The following YWHAB variants were observed in gnomAD, a reference collection of about 807,000 sequenced individuals.
YWHAB encodes the protein tyrosine 3-monooxygenase/tryptophan 5-monooxygenase activation protein beta.
In YWHAB, 2 loss-of-function variants were observed where a neutral mutation model predicts 28.5. That is an observed-to-expected ratio of 0.07 (90% CI 0.03 to 0.22). The LOEUF (loss-of-function observed/expected upper bound fraction) is 0.22. Among genes scored for constraint, YWHAB ranks in the 10% least tolerant of loss-of-function variants. YWHAB has a pLI of 1.00. For synonymous variants in YWHAB, 103 were observed against 104.7 expected (o/e 0.98, Z 0.10); for missense variants, 148 against 297.1 (o/e 0.50, Z 3.69).
chr20:44,901,555 C>T lies in YWHAB; in HGVS notation c.22C>T (p.Leu8=). The part of the protein sequence containing the change: MTMDKSE[L]VQKAKLAEQA... The stretch of plus-strand genomic sequence containing the variant: ...GGGAATGACAATGGATAAAAGTGAG[C>T]TGGTACAGAAAGCCAAACTCGCTGA... Residue 8 remains leucine, a synonymous_variant, in exon 2 of 6, where the codon CTG becomes TTG. Coordinates refer to ENST00000353703, the MANE Select transcript of YWHAB (RefSeq NM_139323.4). 1 of 1,603,216 alleles carries T rather than the reference C, an allele frequency of 6.2e-7. No individual in the cohort carries two copies. Among genetic ancestry groups the T allele is most frequent in the Non-Finnish European group, 8.5e-7 (1 of 1,171,070 alleles).
intron 1 of YWHAB, among the ~76,000 whole-genome samples, chr20:44,899,147 A>T (rs966699540): frequency 6.6e-6 from 1 of 151,438 alleles, no homozygotes; most frequent in Non-Finnish European, 1.5e-5. Flanking sequence ...TTAAATTGTG[A>T]TACCATGTAT....
At chr20:44,906,260 C>T (rs1475767817) in intron 5 of YWHAB, 122 bp from the exon 6 acceptor site, 29 of 1,195,520 alleles carry the variant, frequency 2.4e-5, no homozygotes, top group Middle Eastern at 2.0e-4. Context: ...GCAATCATCC[C>T]TGTCTGCAGT....
rs1363076773 is a variant in YWHAB, at chr20:44,901,802, C to T, written c.269C>T (p.Ala90Val). 1 of 1,605,728 alleles carries T rather than the reference C, an allele frequency of 6.2e-7. No individual in the cohort carries two copies. The highest frequency in any genetic ancestry group is 1.3e-5 in the African/African-American group (1 of 74,768). Residue 90 changes from alanine to valine, a missense_variant, in exon 2 of 6, where the codon GCA (alanine) becomes GTA (valine). Physicochemically the swap from Ala to Val is moderately conservative, Grantham distance 64 (BLOSUM62 0). This residue lies in a region of YWHAB where 110 missense variants were observed against 177.9 expected (regional missense o/e 0.62). Transcript: ENST00000353703. ...MGKEYREKIE[A>V]ELQDICNDVL... is the part of the protein sequence containing the mutation. ...AAAGAGTACCGTGAGAAGATAGAGG[C>T]AGAACTGCAGGACATCTGCAATGAT...
chr20:44,894,852 C>T (rs1301158748), intron 1 of YWHAB, among the ~76,000 whole-genome samples: 1 of 152,262 alleles, frequency 6.6e-6, no homozygotes, highest in East Asian at 1.9e-4. Context: ...ACACACAGTC[C>T]TGCTGCCTTC....
At chr20:44,893,893 C>T (rs914451464) in intron 1 of YWHAB, among the ~76,000 whole-genome samples, 3 of 152,016 alleles carry the variant, frequency 2.0e-5, no homozygotes, top group Non-Finnish European at 4.4e-5. Context: ...AACGGGGTTT[C>T]ACCACATTGG....
intron 1 of YWHAB, 35 bp from the exon 2 acceptor site, chr20:44,901,496 A>G (rs1306507637): frequency 1.3e-6 from 2 of 1,547,576 alleles, no homozygotes; most frequent in South Asian, 2.5e-5. Context: ...GAAACCTGAC[A>G]TTTGCTCTTT....
chr20:44,891,651 T>G (rs200326289), intron 1 of YWHAB, among the ~76,000 whole-genome samples: 1 of 71,864 alleles, frequency 1.4e-5, no homozygotes, highest in South Asian at 3.4e-4. Flanking sequence ...TTAAGTCACA[T>G]GTGTAACCTT....
Position 44,906,454 on chromosome 20 carries a change from G to A in YWHAB, c.*16G>A. 1 of 1,556,338 alleles carries A rather than the reference G, an allele frequency of 6.4e-7. No individual in the cohort carries two copies. The highest frequency in any genetic ancestry group is 8.7e-7 in the Non-Finnish European group (1 of 1,148,628). On this transcript the variant is annotated 3_prime_UTR_variant, in exon 6 of 6. Transcript: ENST00000353703. ...AGAGAACTAATGTTTCTCGTGCTTT[G>A]TGATCTGTTCAGTGTCACTCTGTAC...
chr20:44,898,639 C>G (rs1306472008), intron 1 of YWHAB, among the ~76,000 whole-genome samples: 1 of 151,996 alleles, frequency 6.6e-6, no homozygotes, highest in Non-Finnish European at 1.5e-5. Context: ...TCCCCAGTAG[C>G]TGGGACTATA....
intron 1 of YWHAB, among the ~76,000 whole-genome samples, chr20:44,895,954 A>ATT (rs980203846): frequency 6.6e-6 from 1 of 152,214 alleles, no homozygotes; most frequent in African/African-American, 2.4e-5. Context: ...TTCAGCAGAT[A>ATT]TTTGTTCCTA....
At chr20:44,903,620 A>G (rs1480211870) in intron 2 of YWHAB, 1 of 169,026 alleles carries the variant, frequency 5.9e-6, no homozygotes, top group Non-Finnish European at 1.3e-5. Context: ...GAGCATGTAC[A>G]CAAATGTATC....
Position 44,903,976 on chromosome 20 carries a change from CAAT to C in YWHAB, c.301-16_301-14del, listed in dbSNP as rs765715485. 1.4e-5 allele frequency: 23 copies of C among 1,592,510 alleles called. No homozygotes were observed. In the Admixed American group the frequency reaches 1.7e-4, roughly 12 times the overall value. On this transcript the variant is annotated splice_polypyrimidine_tract_variant and intron_variant, in intron 2 of 5. Transcript: ENST00000353703. ...CTCGTGAATAATTCTAAATTCTTAA[CAAT>C]GTTCATTTTTTAGGAGCTGTTGGAC...
chr20:44,894,232 G>C (rs915641252), intron 1 of YWHAB, among the ~76,000 whole-genome samples: 1 of 152,146 alleles, frequency 6.6e-6, no homozygotes. Context: ...AAATCTCTTG[G>C]CTTACTGCAG....
intron 1 of YWHAB, among the ~76,000 whole-genome samples, chr20:44,895,823 A>G (rs1006624568): frequency 6.6e-6 from 1 of 152,250 alleles, no homozygotes; most frequent in Non-Finnish European, 1.5e-5. Context: ...GAAACTAGGT[A>G]CAAATGTAAT....
intron 1 of YWHAB, among the ~76,000 whole-genome samples, chr20:44,897,333 T>C (rs1321684343): frequency 6.6e-6 from 1 of 152,218 alleles, no homozygotes; most frequent in Non-Finnish European, 1.5e-5. Flanking sequence ...ACTTTATGAT[T>C]TGGAGTAATC....
chr20:44,904,018 C>T lies in YWHAB; in HGVS notation c.326C>T (p.Pro109Leu). 1 of 1,596,632 alleles carries T rather than the reference C, an allele frequency of 6.3e-7. No homozygotes were observed. The highest frequency in any genetic ancestry group is 8.5e-7 in the Non-Finnish European group (1 of 1,175,728). Reference protein sequence around the residue: ...VLELLDKYLIPNATQPESKVF... With the variant: ...VLELLDKYLILNATQPESKVF... ...GAGCTGTTGGACAAATATCTTATTCCCAATGCTACACAACCAGAAAGTAAG... is the reference window on the plus strand; with the variant it reads ...GAGCTGTTGGACAAATATCTTATTCTCAATGCTACACAACCAGAAAGTAAG... Residue 109 changes from proline (P) to leucine (L), a missense_variant, in exon 3 of 6, where the codon CCC becomes CTC. Pro to Leu is a moderately conservative substitution (Grantham distance 98). Transcript: ENST00000353703.
intron 1 of YWHAB, among the ~76,000 whole-genome samples, chr20:44,899,420 C>T (rs772295237): frequency 2.0e-5 from 3 of 152,190 alleles, no homozygotes; most frequent in Non-Finnish European, 2.9e-5. Context: ...GTGGAGGTTG[C>T]AGTGAACCGA....
chr20:44,904,999 G>A lies in YWHAB; in HGVS notation c.456G>A (p.Gln152=), dbSNP rs757594798. The A allele has an allele frequency of 3.9e-5, 62 of 1,609,742 alleles. No homozygotes were observed. Among genetic ancestry groups the A allele is most frequent in the Non-Finnish European group, 5.1e-5 (60 of 1,177,306 alleles). Residue 152 remains glutamine (Q), a synonymous_variant, in exon 4 of 6, where the codon CAG becomes CAA. Coordinates refer to ENST00000353703, the MANE Select transcript of YWHAB (RefSeq NM_139323.4). The stretch of plus-strand genomic sequence containing the variant: ...TGTCGAACTCCCAGCAGGCTTACCA[G>A]GAAGCATTTGAAATTAGTAAGAAAG... ...TTVSNSQQAY[Q]EAFEISKKEM...
chr20:44,906,192 T>C, intron 5 of YWHAB, 96 bp downstream of exon 5: 1 of 1,225,990 alleles, frequency 8.2e-7, no homozygotes, highest in Non-Finnish European at 1.2e-6. Context: ...CCATTAAATG[T>C]AGTTACAGTT....
Sources: allele counts gnomAD v4.1 joint callset (sites outside exome capture counted in the v4.1 genomes callset), GRCh38; gene constraint gnomAD v4.1.1; regional missense constraint gnomAD v4.1.1; transcripts MANE v1.5; gene names NCBI Gene and HGNC (gene_info 2026-07-23, HGNC 2026-07-21).